BRWD3: variants seen among roughly 807,000 people sequenced by gnomAD.
BRWD3 encodes the protein bromodomain and WD repeat-containing protein 3.
A neutral mutation model predicts 149.7 loss-of-function variants in BRWD3; 10 were observed. The ratio of observed to expected loss-of-function variants is 0.07; its 90% CI spans 0.04 to 0.11. The LOEUF (loss-of-function observed/expected upper bound fraction) is 0.11. Among genes scored for constraint, BRWD3 ranks in the 10% least tolerant of loss-of-function variants. BRWD3 has a pLI of 1.00. For synonymous variants in BRWD3, 504 were observed against 456.7 expected, an observed-to-expected ratio of 1.10 and a Z score of -1.32; for missense variants, 940 against 1,373.2, an observed-to-expected ratio of 0.68 and a Z score of 4.99.
At chrX:80,681,603 C>T (rs1331963434) in intron 39 of BRWD3, 104 bp from the exon 40 acceptor site, 2 of 630,100 alleles carry the variant, frequency 3.2e-6, no homozygotes, top group Non-Finnish European at 4.9e-6. Context: ...ATTCTAACAC[C>T]AAAATTATAA....
In BRWD3 at chrX:80,809,609, C is replaced by G. The variant is rs1005764800; in HGVS notation, c.-138G>C. Reference sequence around the variant, plus strand: ...CCGCACTCCTCGTCCTAGTTTCGCTCTCTCTCGAATTCATCGCATCACGTT... The same window carrying G: ...CCGCACTCCTCGTCCTAGTTTCGCTGTCTCTCGAATTCATCGCATCACGTT... On this transcript the variant is annotated 5_prime_UTR_variant, in exon 1 of 41. Transcript: ENST00000373275. 2.2e-6 allele frequency: 1 copy of G among 460,889 alleles called. No individual in the cohort carries two copies. Among genetic ancestry groups the G allele is most frequent in the Non-Finnish European group, 3.8e-6 (1 of 260,577 alleles). The allele number at this position is 460,889 out of a possible 1,213,427, so 38.0% of individuals were successfully genotyped here.
At chrX:80,797,689 C>G (rs1484719630) in intron 4 of BRWD3, among the ~76,000 whole-genome samples, 1 of 111,894 alleles carries the variant, frequency 8.9e-6, no homozygotes, top group Non-Finnish European at 1.9e-5. Context: ...TCCTAACTAT[C>G]CCTTTAAAGA....
intron 36 of BRWD3, among the ~76,000 whole-genome samples, chrX:80,684,892 G>C (rs973903466): frequency 9.0e-6 from 1 of 110,655 alleles, no homozygotes; most frequent in Admixed American, 9.7e-5. Context: ...ATTGTATTTA[G>C]AATCATCAAG....
Position 80,699,944 on chromosome X carries a change from T to C in BRWD3, c.2943+13A>G, listed in dbSNP as rs760769986. On this transcript the variant is annotated intron_variant, in intron 25 of 40. Transcript: ENST00000373275. The stretch of plus-strand genomic sequence containing the variant: ...TACTTCCATTGCATAGCTTATGAAT[T>C]TGGCAAACTTACCCTGAGATCCATT... 8.5e-7 allele frequency: 1 copy of C among 1,174,228 alleles called. No individual in the cohort carries two copies. The highest frequency in any genetic ancestry group is 1.2e-6 in the Non-Finnish European group (1 of 863,038).
rs757615689 is a variant in BRWD3 at position 80,806,854 on chromosome X, G to GA, written c.180+1684dup. Among the ~76,000 whole-genome samples, 7 of 112,500 alleles carry GA rather than the reference G, an allele frequency of 6.2e-5. No individual in the cohort carries two copies. The South Asian group carries it at 2.5e-3, about 41-fold the overall frequency. On this transcript the variant is annotated intron_variant, in intron 4 of 40. Coordinates refer to ENST00000373275, the MANE Select transcript of BRWD3 (RefSeq NM_153252.5). ...TGTAAAAATGTCTTTACAATATGAG[G>GA]AAAAGTCTAGTAAACTGGGTTGTTG...
intron 25 of BRWD3, 72 bp downstream of exon 25, chrX:80,699,885 A>G (rs1370832901): frequency 3.8e-6 from 3 of 785,060 alleles, no homozygotes; most frequent in African/African-American, 2.0e-5. Flanking sequence ...AACTGAGGGG[A>G]AAAAACCATG....
intron 4 of BRWD3, among the ~76,000 whole-genome samples, chrX:80,802,457 AAAAAAAAAAAAT>A (rs2074309503): frequency 9.3e-6 from 1 of 107,163 alleles, no homozygotes; most frequent in Non-Finnish European, 1.9e-5. Context: ...AAAAAAAAAA[AAAAAAAAAAAAT>A]TAAAAATTAA....
chrX:80,769,960 T>A (rs1484556384), intron 6 of BRWD3, among the ~76,000 whole-genome samples: 2 of 111,567 alleles, frequency 1.8e-5, no homozygotes, highest in Non-Finnish European at 3.8e-5. Context: ...TATCAGAGAA[T>A]ACAGTAAACA....
chrX:80,806,572 A>G (rs957730026), intron 4 of BRWD3, among the ~76,000 whole-genome samples: 3 of 112,212 alleles, frequency 2.7e-5, no homozygotes, highest in Non-Finnish European at 5.6e-5. Flanking sequence ...AATAAAGTCC[A>G]GGAAAATAAC....
At chrX:80,716,370 A>G (rs1004512973) in intron 19 of BRWD3, 120 bp from the exon 20 acceptor site, 4 of 561,343 alleles carry the variant, frequency 7.1e-6, no homozygotes, top group South Asian at 2.7e-5. Context: ...TTTTAAGCAT[A>G]TAATTCAGTG....
intron 24 of BRWD3, among the ~76,000 whole-genome samples, chrX:80,703,013 C>T (rs140006404): frequency 9.0e-6 from 1 of 111,405 alleles, no homozygotes; most frequent in East Asian, 2.8e-4. Flanking sequence ...TATGGCTACA[C>T]TCATCAATCA....
rs746056253 is a variant in BRWD3 at position 80,676,963 on chromosome X, T to C, written c.5055A>G (p.Gly1685=). The C allele has an allele frequency of 3.3e-6, 4 of 1,201,437 alleles. No individual in the cohort carries two copies. In the East Asian group the frequency reaches 1.2e-4, roughly 36 times the overall value. The change falls in exon 41 of 41, where the codon GGA becomes GGG. Residue 1685 remains glycine, a synonymous_variant. Coordinates refer to ENST00000373275, the MANE Select transcript of BRWD3 (RefSeq NM_153252.5). ...RWGRWGRWSR[G]GRGRGGRGRG... is the part of the protein sequence containing the mutation. ...GTCCCCTGCCTCCTCTTCCTCTGCC[T>C]CCTCTACTCCATCTACCCCATCTTC...
chrX:80,692,798 C>G, intron 28 of BRWD3, 142 bp downstream of exon 28: 1 of 479,892 alleles, frequency 2.1e-6, no homozygotes, highest in Non-Finnish European at 3.6e-6. Flanking sequence ...AGCATTTTAC[C>G]ATCAAATTTC....
rs1421725442 is a variant in BRWD3 at position 80,683,765 on chromosome X, A to T, written c.4233+245T>A. Reference sequence around the variant, plus strand: ...TATTTATTAAGTCACTTATTATATTAAAGTGTACTTAAATTACTACCTCTC... The same window carrying T: ...TATTTATTAAGTCACTTATTATATTTAAGTGTACTTAAATTACTACCTCTC... On this transcript the variant is annotated intron_variant, in intron 37 of 40. Transcript: ENST00000373275. 4.5e-5 allele frequency among the ~76,000 whole-genome samples: 5 copies of T among 111,525 alleles called. No individual in the cohort carries two copies. The East Asian group carries it at 1.1e-3, about 25-fold the overall frequency.
intron 8 of BRWD3, among the ~76,000 whole-genome samples, chrX:80,743,142 T>C (rs1245158111): frequency 1.8e-5 from 2 of 112,078 alleles, no homozygotes; most frequent in Non-Finnish European, 3.8e-5. Context: ...TTTCTGCATC[T>C]ATTGAGATAA....
At chrX:80,777,825 T>C (rs990100280) in intron 6 of BRWD3, among the ~76,000 whole-genome samples, 2 of 111,719 alleles carry the variant, frequency 1.8e-5, no homozygotes, top group South Asian at 7.4e-4. Flanking sequence ...TAGTTTTTAA[T>C]TTTTTGGTTA....
chrX:80,684,476 A>T (rs1215188149), intron 36 of BRWD3, among the ~76,000 whole-genome samples: 2 of 111,564 alleles, frequency 1.8e-5, no homozygotes, highest in Non-Finnish European at 3.8e-5. Context: ...AACCTCCAAA[A>T]CCCCAGCACA....
chrX:80,799,521 G>A (rs189455573), intron 4 of BRWD3, among the ~76,000 whole-genome samples: 3 of 112,119 alleles, frequency 2.7e-5, no homozygotes, highest in East Asian at 5.6e-4. Flanking sequence ...CATTTTGCCT[G>A]GGTCTGATTG....
intron 8 of BRWD3, among the ~76,000 whole-genome samples, chrX:80,739,169 A>C (rs776626375): frequency 3.4e-4 from 38 of 111,716 alleles, no homozygotes; most frequent in African/African-American, 1.2e-3. Flanking sequence ...AGAATTTGCC[A>C]GATTCTAGAT....
Sources: gnomAD v4.1 joint callset for allele counts (sites outside exome capture counted in the v4.1 genomes callset) on GRCh38, gnomAD v4.1.1 for gene constraint, MANE v1.5 for transcripts, NCBI Gene and HGNC (gene_info 2026-07-23, HGNC 2026-07-21) for gene names.